CAPSL: variants seen among roughly 807,000 people sequenced by gnomAD.
CAPSL encodes calcyphosin-like protein.
A neutral mutation model predicts 21.3 loss-of-function variants in CAPSL; 17 were observed. The observed-to-expected ratio is 0.80, with a 90% CI of 0.55 to 1.20. The LOEUF (loss-of-function observed/expected upper bound fraction) is 1.20, where lower values mean the gene tolerates loss of function less well. CAPSL is among the 50% of genes most tolerant of loss of function. The pLI is 0.00. For synonymous variants in CAPSL, 102 were observed against 89.3 expected, an observed-to-expected ratio of 1.14 and a Z score of -0.80; for missense variants, 289 against 259.3, an observed-to-expected ratio of 1.11 and a Z score of -0.79.
At chr5:35,929,652 A>T (rs1377848918) in intron 1 of CAPSL, among the ~76,000 whole-genome samples, 1 of 152,136 alleles carries the variant, frequency 6.6e-6, no homozygotes, top group East Asian at 1.9e-4. Context: ...AAACCGATAA[A>T]TTGCTTTGGG....
intron 2 of CAPSL, among the ~76,000 whole-genome samples, chr5:35,916,085 G>A (rs951823763): frequency 7.2e-5 from 11 of 151,884 alleles, no homozygotes; most frequent in Admixed American, 2.6e-4. Flanking sequence ...AAACAGAGAG[G>A]CAAATCATGA....
intron 2 of CAPSL, among the ~76,000 whole-genome samples, chr5:35,915,469 C>T (rs577366912): frequency 5.3e-5 from 8 of 152,302 alleles, no homozygotes; most frequent in African/African-American, 1.7e-4. Context: ...CAATAAAATA[C>T]TGGCAAACCA....
At chr5:35,907,483 T>C (rs1188527419) in intron 4 of CAPSL, among the ~76,000 whole-genome samples, 1 of 152,112 alleles carries the variant, frequency 6.6e-6, no homozygotes, top group Admixed American at 6.6e-5. Context: ...TCTCACCAAA[T>C]TGTGGTGGGG....
At chr5:35,931,917 T>A (rs1325564521) in intron 1 of CAPSL, among the ~76,000 whole-genome samples, 1 of 152,214 alleles carries the variant, frequency 6.6e-6, no homozygotes, top group African/African-American at 2.4e-5. Context: ...AACTGGTACA[T>A]CTTCTATCAC....
chr5:35,932,272 C>T (rs1439701221), intron 1 of CAPSL, among the ~76,000 whole-genome samples: 1 of 152,168 alleles, frequency 6.6e-6, no homozygotes, highest in Non-Finnish European at 1.5e-5. Flanking sequence ...TAGAGATTTA[C>T]TTTACTCTCA....
chr5:35,916,881 A>C (rs1030198302), intron 2 of CAPSL, among the ~76,000 whole-genome samples: 13 of 152,230 alleles, frequency 8.5e-5, no homozygotes, highest in Non-Finnish European at 1.6e-4. Flanking sequence ...TAATTAAACT[A>C]AAGAGCTTCT....
chr5:35,926,075 C>CAAA (rs34711454), intron 1 of CAPSL, among the ~76,000 whole-genome samples: 4 of 102,880 alleles, frequency 3.9e-5, no homozygotes, highest in Admixed American at 2.1e-4. Flanking sequence ...GACTCCGTCT[C>CAAA]AAAAAAAAAA....
intron 2 of CAPSL, among the ~76,000 whole-genome samples, chr5:35,913,669 G>A (rs974236993): frequency 2.0e-5 from 3 of 152,174 alleles, no homozygotes; most frequent in Non-Finnish European, 4.4e-5. Flanking sequence ...GAGAGATTTT[G>A]TCACCACCAG....
intron 1 of CAPSL, among the ~76,000 whole-genome samples, chr5:35,932,047 T>A (rs1175826195): frequency 2.6e-5 from 4 of 152,138 alleles, no homozygotes; most frequent in Non-Finnish European, 5.9e-5. Flanking sequence ...TCTTTTGGAG[T>A]CATTTGTCTA....
In CAPSL at chr5:35,910,092, A is replaced by G. The variant is rs748338288; in HGVS notation, c.316-17T>C. ...CATTGGAGGCTACAAAAATAGAAGAATACATACAGAGACATACATAAGCAA... is the reference window on the plus strand; with the variant it reads ...CATTGGAGGCTACAAAAATAGAAGAGTACATACAGAGACATACATAAGCAA... On this transcript the variant is annotated splice_polypyrimidine_tract_variant and intron_variant, in intron 3 of 4. Coordinates refer to ENST00000651391, the MANE Select transcript of CAPSL (RefSeq NM_001042625.2). The G allele has an allele frequency of 5.1e-6, 8 of 1,580,984 alleles. No individual in the cohort carries two copies. In the African/African-American group the frequency reaches 1.1e-4, roughly 21 times the overall value.
chr5:35,923,012 A>G (rs852247), intron 1 of CAPSL, among the ~76,000 whole-genome samples: 89,698 of 151,862 alleles, frequency 0.59, 26,585 homozygotes, highest in South Asian at 0.66. Context: ...TGGTGTCAAC[A>G]ACATGCCCTT....
chr5:35,916,035 G>A (rs2149921964), intron 2 of CAPSL, among the ~76,000 whole-genome samples: 1 of 152,120 alleles, frequency 6.6e-6, no homozygotes, highest in South Asian at 2.1e-4. Context: ...CAAAATCAAT[G>A]TGCAAAAATC....
At chr5:35,934,989 A>G (rs1044026512) in intron 1 of CAPSL, among the ~76,000 whole-genome samples, 1 of 152,164 alleles carries the variant, frequency 6.6e-6, no homozygotes, top group East Asian at 1.9e-4. Context: ...AATTCTAAGT[A>G]TTAAGGAACC....
At chr5:35,915,176 T>G (rs567996964) in intron 2 of CAPSL, among the ~76,000 whole-genome samples, 61 of 152,292 alleles carry the variant, frequency 4.0e-4, no homozygotes, top group African/African-American at 1.3e-3. Flanking sequence ...GTTGAATCTC[T>G]GAATAGACCA....
rs1361952414 is a variant in CAPSL at position 35,909,728 on chromosome 5, T to C, written c.525+138A>G. The C allele has an allele frequency of 4.0e-6, 3 of 747,122 alleles. No individual in the cohort carries two copies. The African/African-American group carries it at 5.3e-5, about 13-fold the overall frequency. The allele number at this position is 747,122 out of a possible 1,614,324, so 46.3% of individuals were successfully genotyped here. The stretch of plus-strand genomic sequence containing the variant: ...CCTGGCAATGGAGAAGTTTCTAGAT[T>C]GTTCCTAGGGAAATAGTTTACTTCT... On this transcript the variant is annotated intron_variant, in intron 4 of 4. Transcript: ENST00000651391.
At chr5:35,926,924 G>A (rs1738700079) in intron 1 of CAPSL, among the ~76,000 whole-genome samples, 1 of 152,206 alleles carries the variant, frequency 6.6e-6, no homozygotes, top group African/African-American at 2.4e-5. Flanking sequence ...CCTTGAAAGG[G>A]AACCGAAGCA....
At chr5:35,931,282 A>T (rs929537996) in intron 1 of CAPSL, among the ~76,000 whole-genome samples, 1 of 152,062 alleles carries the variant, frequency 6.6e-6, no homozygotes, top group African/African-American at 2.4e-5. Context: ...TACCCCTGAG[A>T]CTCATGAGGA....
chr5:35,912,228 G>A (rs1412698989), intron 2 of CAPSL, among the ~76,000 whole-genome samples: 1 of 152,198 alleles, frequency 6.6e-6, no homozygotes, highest in Non-Finnish European at 1.5e-5. Flanking sequence ...CAAACTGGGT[G>A]GAGCTCACTG....
At chr5:35,935,104 G>T (rs1320454338) in intron 1 of CAPSL, among the ~76,000 whole-genome samples, 1 of 152,034 alleles carries the variant, frequency 6.6e-6, no homozygotes, top group Non-Finnish European at 1.5e-5. Context: ...TTTCTCTTTG[G>T]TTCTGTCAGT....
Sources: allele counts gnomAD v4.1 joint callset (sites outside exome capture counted in the v4.1 genomes callset), GRCh38; gene constraint gnomAD v4.1.1; transcripts MANE v1.5; gene names NCBI Gene and HGNC (gene_info 2026-07-23, HGNC 2026-07-21).